The following LDLRAD4 variants were observed in gnomAD, a reference collection of about 807,000 sequenced individuals.
The protein encoded by LDLRAD4 is low density lipoprotein receptor class A domain containing 4.
A neutral mutation model predicts 17.0 loss-of-function variants in LDLRAD4; 5 were observed. The ratio of observed to expected loss-of-function variants is 0.29; its 90% CI spans 0.15 to 0.62. The LOEUF (loss-of-function observed/expected upper bound fraction) is 0.62, where lower values mean the gene tolerates loss of function less well. LDLRAD4 is among the 20% of genes least tolerant of loss of function. The probability of loss-of-function intolerance (pLI) is 0.84; values close to 1 mark genes in which losing one functional copy is unlikely to be tolerated. For missense variants in LDLRAD4, 340 were observed against 424.7 expected (o/e 0.80, Z 1.75); for synonymous variants, 168 against 171.8 (o/e 0.98, Z 0.17).
At position 13,604,041 on chromosome 18, in the gene LDLRAD4, A is replaced by G. The variant is rs553947146; in HGVS notation, c.182-17076A>G. Among the ~76,000 whole-genome samples, 32 of 152,360 alleles carry G rather than the reference A, an allele frequency of 2.1e-4. No homozygotes were observed. In the East Asian group the frequency reaches 6.0e-3, roughly 28 times the overall value. ...AGCATCTGTGTGTCAGGCTAGTCTT[A>G]AATGCTGAAGATGAAAACGGAGTAT... On this transcript the variant is annotated intron_variant, in intron 3 of 5. Coordinates refer to ENST00000359446, the Ensembl canonical transcript of LDLRAD4.
At chr18:13,516,319 T>A (rs1265804405) in intron 3 of LDLRAD4, among the ~76,000 whole-genome samples, 1 of 152,204 alleles carries the variant, frequency 6.6e-6, no homozygotes, top group East Asian at 1.9e-4. Flanking sequence ...AGTGAAGCCA[T>A]GAACGATCTC....
At chr18:13,527,568 C>T (rs552969373) in intron 3 of LDLRAD4, among the ~76,000 whole-genome samples, 9 of 152,206 alleles carry the variant, frequency 5.9e-5, no homozygotes, top group Non-Finnish European at 1.2e-4. Flanking sequence ...GTCCCTCACC[C>T]GCGGGCTTTC....
chr18:13,644,902 C>G lies in LDLRAD4; in HGVS notation c.391-225C>G, dbSNP rs1200611678. ...CACAGCTCTCCATTGCTCAGCCCTC[C>G]TGGATGCGCTGGGATTTGGCAAGGT... On this transcript the variant is annotated intron_variant, in intron 5 of 5. Transcript: ENST00000359446. 2.4e-5 allele frequency: 13 copies of G among 548,446 alleles called. No individual in the cohort carries two copies. In the Admixed American group the frequency reaches 3.8e-4, roughly 16 times the overall value. 34.0% of individuals were successfully genotyped at this position (548,446 alleles called of 1,614,324 possible).
chr18:13,526,518 T>C (rs151195868), intron 3 of LDLRAD4: 1 of 152,370 alleles, frequency 6.6e-6, no homozygotes, highest in East Asian at 1.9e-4. Flanking sequence ...TCACTTGTGA[T>C]TGAGCCATAC....
chr18:13,322,862 T>G (rs2081330667), intron 1 of LDLRAD4, among the ~76,000 whole-genome samples: 1 of 151,276 alleles, frequency 6.6e-6, no homozygotes, highest in South Asian at 2.1e-4. Context: ...TGTCCTCAGG[T>G]GATCCACCTG....
intron 1 of LDLRAD4, among the ~76,000 whole-genome samples, chr18:13,336,730 C>T (rs1009891293): frequency 1.1e-4 from 16 of 151,822 alleles, no homozygotes; most frequent in African/African-American, 3.6e-4. Context: ...CTTTTTTTCT[C>T]ACTATTTTTT....
chr18:13,449,474 A>C (rs1003560218), intron 3 of LDLRAD4, among the ~76,000 whole-genome samples: 1 of 152,214 alleles, frequency 6.6e-6, no homozygotes, highest in Non-Finnish European at 1.5e-5. Context: ...GCATCTCCCC[A>C]TTTCAGAGAC....
intron 3 of LDLRAD4, among the ~76,000 whole-genome samples, chr18:13,462,805 G>C (rs1186454012): frequency 2.0e-5 from 3 of 152,150 alleles, no homozygotes; most frequent in African/African-American, 7.2e-5. Flanking sequence ...AGCCCCGCCT[G>C]GGAGCTTTTC....
chr18:13,388,415 C>T (rs1343209703), intron 2 of LDLRAD4, among the ~76,000 whole-genome samples: 1 of 152,214 alleles, frequency 6.6e-6, no homozygotes, highest in Admixed American at 6.5e-5. Context: ...ATCCTCTGGG[C>T]CTCTGGCTCC....
chr18:13,463,781 C>A (rs1331812140), intron 3 of LDLRAD4, among the ~76,000 whole-genome samples: 1 of 152,202 alleles, frequency 6.6e-6, no homozygotes, highest in African/African-American at 2.4e-5. Context: ...CTTTAGGGAG[C>A]TGCAGCAGCT....
At chr18:13,465,168 C>T (rs911323414) in intron 3 of LDLRAD4, 1 of 152,218 alleles carries the variant, frequency 6.6e-6, no homozygotes, top group African/African-American at 2.4e-5. Context: ...TGCATAACAT[C>T]TGGCTTTTAA....
chr18:13,250,533 G>A (rs1032346920), intron 1 of LDLRAD4, among the ~76,000 whole-genome samples: 79 of 152,142 alleles, frequency 5.2e-4, no homozygotes, highest in African/African-American at 1.8e-3. Context: ...AATAAAATCA[G>A]AAGTGAAAAA....
rs371678794 is a variant in LDLRAD4 at position 13,262,459 on chromosome 18, T to C, written c.-466-15646T>C. 5.6e-3 allele frequency among the ~76,000 whole-genome samples: 362 copies of C among 65,100 alleles called. 1 individual carries two copies. The highest frequency in any genetic ancestry group is 0.02 in the Middle Eastern group (2 of 102). 42.7% of individuals were successfully genotyped at this position (65,100 alleles called of 152,430 possible). A position where few individuals can be genotyped will look rare whatever the true frequency, so the allele number is the denominator to read the frequency against. On this transcript the variant is annotated intron_variant, in intron 1 of 5. Transcript: ENST00000399848. ...GCGTGGAAACTGAGTCCCGTGCGGC[T>C]CTGTGCGTGGGGGCTGAGTCCCGTG...
At chr18:13,373,941 GATAAT>G (rs1162390851) in intron 1 of LDLRAD4, among the ~76,000 whole-genome samples, 1 of 151,650 alleles carries the variant, frequency 6.6e-6, no homozygotes, top group Non-Finnish European at 1.5e-5. Context: ...ATTCTTCTTT[GATAAT>G]ATGTCTACAT....
At chr18:13,412,139 G>A (rs1186523384) in intron 2 of LDLRAD4, among the ~76,000 whole-genome samples, 1 of 152,188 alleles carries the variant, frequency 6.6e-6, no homozygotes, top group African/African-American at 2.4e-5. Flanking sequence ...CATCACGCCT[G>A]GCCTGCACTG....
At position 13,645,495 on chromosome 18, in the gene LDLRAD4, C is replaced by A; in HGVS notation, c.759C>A (p.Pro253=). ...ACGGGAGGATGGAGGGGCCACCCCC[C>A]ACATACAGCGAGGTGATGGGCCACC... The change falls in exon 6 of 6, where the codon CCC becomes CCA. Residue 253 remains proline (P), a synonymous_variant. Transcript: ENST00000359446. The surrounding 1 kb of genome is among the most constrained non-coding windows in gnomAD (Gnocchi z 5.7). 7 of 1,610,626 alleles carry A rather than the reference C, an allele frequency of 4.3e-6. No individual in the cohort carries two copies. Among genetic ancestry groups the A allele is most frequent in the African/African-American group, 1.3e-5 (1 of 75,008 alleles).
At chr18:13,548,744 C>T (rs949946400) in intron 3 of LDLRAD4, among the ~76,000 whole-genome samples, 4 of 152,176 alleles carry the variant, frequency 2.6e-5, no homozygotes, top group African/African-American at 9.6e-5. Context: ...GCTCCTGCCC[C>T]ACCAACTTGG....
At chr18:13,377,324 C>T (rs565337969) in intron 1 of LDLRAD4, among the ~76,000 whole-genome samples, 4 of 152,280 alleles carry the variant, frequency 2.6e-5, no homozygotes, top group South Asian at 2.1e-4. Context: ...GACTAGGCTG[C>T]GTCACGTCTG....
At chr18:13,561,831 C>A (rs912830181) in intron 3 of LDLRAD4, 4 of 152,256 alleles carry the variant, frequency 2.6e-5, no homozygotes, top group Admixed American at 2.6e-4. Context: ...AGAAGCTGAA[C>A]CTAATGTTTT....
Sources: gnomAD v4.1 joint callset for allele counts (sites outside exome capture counted in the v4.1 genomes callset) on GRCh38, gnomAD v4.1.1 for gene constraint, Gnocchi (gnomAD v3.1) non-coding constraint, MANE v1.5 for transcripts, NCBI Gene and HGNC (gene_info 2026-07-23, HGNC 2026-07-21) for gene names.